MAP7: variants seen among roughly 807,000 people sequenced by gnomAD.
MAP7 encodes microtubule associated protein 7.
A neutral mutation model predicts 94.8 loss-of-function variants in MAP7; 52 were observed. The observed-to-expected ratio is 0.55, with a 90% CI of 0.44 to 0.69. The LOEUF (loss-of-function observed/expected upper bound fraction) is 0.69, where lower values mean the gene tolerates loss of function less well. Ranked by LOEUF, MAP7 falls within the 30% of genes least tolerant of loss-of-function variation. MAP7 has a pLI of 0.00. For missense variants in MAP7, 940 were observed against 964.6 expected (o/e 0.97, Z 0.34); for synonymous variants, 350 against 357.0 (o/e 0.98, Z 0.22).
intron 1 of MAP7, among the ~76,000 whole-genome samples, chr6:136,462,167 C>G (rs1232310009): frequency 1.8e-5 from 1 of 56,942 alleles, no homozygotes; most frequent in Non-Finnish European, 3.8e-5. Flanking sequence ...AGACCCTTCT[C>G]TTAAAAAAAA....
chr6:136,355,815 T>C (rs1263175808), intron 16 of MAP7, among the ~76,000 whole-genome samples: 6 of 152,214 alleles, frequency 3.9e-5, no homozygotes, highest in African/African-American at 1.4e-4. Flanking sequence ...TTTCTGCAAG[T>C]TCTCTATGAT....
intron 1 of MAP7, among the ~76,000 whole-genome samples, chr6:136,514,414 G>A (rs1422249262): frequency 3.3e-5 from 5 of 151,768 alleles, no homozygotes; most frequent in African/African-American, 1.2e-4. Context: ...GCGAAACCCT[G>A]TCTCCACTAA....
chr6:136,427,346 T>C (rs1052269796), intron 1 of MAP7, among the ~76,000 whole-genome samples: 1 of 152,196 alleles, frequency 6.6e-6, no homozygotes, highest in South Asian at 2.1e-4. Flanking sequence ...GTGAAGAAGA[T>C]AAAATATGGG....
At chr6:136,499,572 G>C (rs1485240169) in intron 1 of MAP7, among the ~76,000 whole-genome samples, 1 of 152,104 alleles carries the variant, frequency 6.6e-6, no homozygotes, top group East Asian at 1.9e-4. Context: ...TCCAGACAGA[G>C]AAAGAGCTAA....
chr6:136,362,422 A>G, intron 11 of MAP7, 28 bp downstream of exon 11: 5 of 1,610,558 alleles, frequency 3.1e-6, no homozygotes, highest in African/African-American at 1.3e-5. Flanking sequence ...CACTGACACC[A>G]TGGTGTGGAG....
chr6:136,526,735 G>C (rs1032389248), intron 1 of MAP7: 2 of 955,374 alleles, frequency 2.1e-6, no homozygotes, highest in African/African-American at 3.5e-5. Flanking sequence ...GAGGAAGAAA[G>C]GCTTTTTCTT....
intron 1 of MAP7, among the ~76,000 whole-genome samples, chr6:136,528,715 T>C (rs1199454702): frequency 6.6e-6 from 1 of 152,248 alleles, no homozygotes; most frequent in Admixed American, 6.5e-5. Context: ...CTCTAATAAC[T>C]AACACATTAT....
At chr6:136,412,888 C>T (rs991062777) in intron 2 of MAP7, among the ~76,000 whole-genome samples, 13 of 152,250 alleles carry the variant, frequency 8.5e-5, no homozygotes, top group African/African-American at 2.4e-4. Context: ...AGGCCAGGTG[C>T]GGTGGCTCAC....
intron 1 of MAP7, among the ~76,000 whole-genome samples, chr6:136,505,602 C>T (rs1333539507): frequency 5.3e-5 from 8 of 151,690 alleles, no homozygotes; most frequent in Non-Finnish European, 1.2e-4. Flanking sequence ...ATGATGAGAA[C>T]ACAGGGACAC....
At chr6:136,496,773 C>G (rs149839074) in intron 1 of MAP7, among the ~76,000 whole-genome samples, 1 of 109,624 alleles carries the variant, frequency 9.1e-6, no homozygotes, top group East Asian at 2.7e-4. Flanking sequence ...AACCCCGTCT[C>G]TACTAAAAAA....
intron 1 of MAP7, among the ~76,000 whole-genome samples, chr6:136,474,811 G>A (rs2128947608): frequency 6.6e-6 from 1 of 151,898 alleles, no homozygotes; most frequent in Admixed American, 6.6e-5. Flanking sequence ...CTCTCCCTGG[G>A]CTCAAGTGAT....
rs529823350 is a variant in MAP7 at position 136,471,723 on chromosome 6, T to C, written c.68-49924A>G. ...TACCCTGGAATCTTGCACGCGGTCC[T>C]TGAATTGCAGAACCATCTACACTTC... On this transcript the variant is annotated intron_variant, in intron 1 of 17. Transcript: ENST00000354570. Among the ~76,000 whole-genome samples the C allele has an allele frequency of 2.0e-5, 3 of 151,842 alleles. No homozygotes were observed. The East Asian group carries it at 5.8e-4, about 29-fold the overall frequency.
At chr6:136,392,489 T>G (rs1323354866) in intron 3 of MAP7, among the ~76,000 whole-genome samples, 1 of 151,484 alleles carries the variant, frequency 6.6e-6, no homozygotes, top group Non-Finnish European at 1.5e-5. Flanking sequence ...GGCTATATAG[T>G]ATTTTATTGT....
intron 16 of MAP7, among the ~76,000 whole-genome samples, chr6:136,353,898 A>C (rs868269349): frequency 6.6e-6 from 1 of 152,198 alleles, no homozygotes. Context: ...GGCTACTGCA[A>C]ACATCCAGGG....
intron 1 of MAP7, among the ~76,000 whole-genome samples, chr6:136,486,020 A>G (rs1317438620): frequency 6.6e-6 from 1 of 152,210 alleles, no homozygotes; most frequent in Non-Finnish European, 1.5e-5. Flanking sequence ...TAATAGACCA[A>G]TTAGAGTAAT....
At chr6:136,493,289 A>AT (rs1302633858) in intron 1 of MAP7, among the ~76,000 whole-genome samples, 2 of 151,822 alleles carry the variant, frequency 1.3e-5, no homozygotes, top group African/African-American at 4.8e-5. Context: ...CGTCTGGCTA[A>AT]TTTTTGTATT....
chr6:136,520,493 T>C (rs544762741), intron 1 of MAP7, among the ~76,000 whole-genome samples: 208 of 152,198 alleles, frequency 1.4e-3, no homozygotes, highest in South Asian at 2.9e-3. Flanking sequence ...AAGTACAGGG[T>C]ATAAAGAGGA....
Position 136,377,838 on chromosome 6 carries a change from C to T in MAP7, c.668G>A (p.Ser223Asn). The T allele has an allele frequency of 6.2e-7, 1 of 1,614,028 alleles. No individual in the cohort carries two copies. The highest frequency in any genetic ancestry group is 8.5e-7 in the Non-Finnish European group (1 of 1,179,926). Residue 223 changes from serine to asparagine, a missense_variant, in exon 7 of 18, where the codon AGC (serine) becomes AAC (asparagine). Coordinates refer to ENST00000354570, the MANE Select transcript of MAP7 (RefSeq NM_003980.6). ...CGTCAGGAGTCTGTTAACAACGCTGCTCTCCCATGGGCTGAGCTGCAGGCG... is the reference window on the plus strand; with the variant it reads ...CGTCAGGAGTCTGTTAACAACGCTGTTCTCCCATGGGCTGAGCTGCAGGCG... ...ARRLQLSPWE[S>N]SVVNRLLTPT...
intron 3 of MAP7, among the ~76,000 whole-genome samples, chr6:136,407,914 T>C (rs1188946266): frequency 1.3e-5 from 2 of 152,158 alleles, no homozygotes; most frequent in Non-Finnish European, 2.9e-5. Flanking sequence ...GTGCAATTAA[T>C]TGGGACACAG....
Sources: allele counts gnomAD v4.1 joint callset (sites outside exome capture counted in the v4.1 genomes callset), GRCh38; gene constraint gnomAD v4.1.1; transcripts MANE v1.5; gene names NCBI Gene and HGNC (gene_info 2026-07-23, HGNC 2026-07-21).